The following CEP83 variants were observed in gnomAD, a reference collection of about 807,000 sequenced individuals.
CEP83 encodes centrosomal protein 83, also known as centrosomal protein of 83 kDa.
A neutral mutation model predicts 101.9 loss-of-function variants in CEP83; 70 were observed. That is an observed-to-expected ratio of 0.69 (90% CI 0.57 to 0.84). The LOEUF is 0.84. Ranked by LOEUF, CEP83 falls within the 40% of genes least tolerant of loss-of-function variation. The probability of loss-of-function intolerance (pLI) is 0.00; values close to 1 mark genes in which losing one functional copy is unlikely to be tolerated. For synonymous variants in CEP83, 264 were observed against 267.9 expected (o/e 0.99, Z 0.14); for missense variants, 715 against 787.2 (o/e 0.91, Z 1.10).
At chr12:94,339,640 T>C (rs565077745) in intron 11 of CEP83, among the ~76,000 whole-genome samples, 60 of 152,312 alleles carry the variant, frequency 3.9e-4, no homozygotes, top group African/African-American at 1.3e-3. Context: ...GGGCAAACAA[T>C]AGAAGTTGTA....
At chr12:94,326,366 G>A (rs1313830824) in intron 14 of CEP83, among the ~76,000 whole-genome samples, 2 of 152,118 alleles carry the variant, frequency 1.3e-5, no homozygotes, top group Non-Finnish European at 2.9e-5. Flanking sequence ...TGGAGGAGGG[G>A]GTCATGGGAA....
intron 11 of CEP83, among the ~76,000 whole-genome samples, chr12:94,357,837 A>C (rs2060554671): frequency 6.6e-6 from 1 of 152,254 alleles, no homozygotes; most frequent in Non-Finnish European, 1.5e-5. Context: ...TTCCCTGGAA[A>C]GCAGAGCCAG....
chr12:94,421,565 G>A (rs1459992584), intron 2 of CEP83, among the ~76,000 whole-genome samples: 1 of 151,942 alleles, frequency 6.6e-6, no homozygotes, highest in Non-Finnish European at 1.5e-5. Flanking sequence ...CTTTATTCAT[G>A]TGCTTGTTTA....
intron 9 of CEP83, chr12:94,368,504 A>C (rs2061133459): frequency 4.5e-6 from 1 of 222,456 alleles, no homozygotes; most frequent in Non-Finnish European, 8.7e-6. Context: ...CTGGATGATA[A>C]CCAGAGGTTT....
chr12:94,270,901 G>A, the CEP83 span, among the ~76,000 whole-genome samples: 1 of 152,116 alleles, frequency 6.6e-6, no homozygotes, highest in East Asian at 1.9e-4. Flanking sequence ...GGGGAGCAGA[G>A]TGAAGAGGGG....
At chr12:94,410,968 T>C (rs575858601) in intron 4 of CEP83, among the ~76,000 whole-genome samples, 34 of 152,192 alleles carry the variant, frequency 2.2e-4, no homozygotes, top group Non-Finnish European at 4.4e-4. Context: ...CTTCTTACTC[T>C]ATGAACTTCT....
chr12:94,382,388 TATTTTGATACTCTTTTTCTAGG>T (rs2061899372), intron 6 of CEP83, among the ~76,000 whole-genome samples: 1 of 151,538 alleles, frequency 6.6e-6, no homozygotes. Flanking sequence ...GCTTTACTTT[TATTTTGATACTCTTTTTCTAGG>T]TTCTTGAGGT....
At chr12:94,345,461 G>C (rs546884229) in intron 11 of CEP83, among the ~76,000 whole-genome samples, 1 of 152,230 alleles carries the variant, frequency 6.6e-6, no homozygotes, top group East Asian at 1.9e-4. Flanking sequence ...GAGTGATAAA[G>C]GCGAAAGACA....
intron 1 of CEP83, among the ~76,000 whole-genome samples, chr12:94,436,169 G>A (rs541318670): frequency 3.9e-5 from 6 of 151,984 alleles, no homozygotes; most frequent in Admixed American, 1.3e-4. Context: ...ATGGCAAAAC[G>A]AAGTTTGATA....
At chr12:94,270,037 T>C in the CEP83 span, among the ~76,000 whole-genome samples, 1 of 152,256 alleles carries the variant, frequency 6.6e-6, no homozygotes, top group Non-Finnish European at 1.5e-5. Flanking sequence ...ATTTACTTTT[T>C]TTCTTTATAG....
intron 2 of CEP83, among the ~76,000 whole-genome samples, chr12:94,430,683 T>C (rs1313269166): frequency 2.0e-5 from 3 of 152,100 alleles, no homozygotes; most frequent in South Asian, 2.1e-4. Context: ...GAAAATAAAA[T>C]GCATAGAAAA....
At chr12:94,330,371 TAA>T (rs2059150692) in intron 14 of CEP83, among the ~76,000 whole-genome samples, 1 of 152,160 alleles carries the variant, frequency 6.6e-6, no homozygotes, top group Admixed American at 6.5e-5. Context: ...ATCACCACCA[TAA>T]GTCATGGTTA....
At chr12:94,280,983 G>A in the CEP83 span, among the ~76,000 whole-genome samples, 1 of 152,176 alleles carries the variant, frequency 6.6e-6, no homozygotes, top group Non-Finnish European at 1.5e-5. Flanking sequence ...CAACTGTACT[G>A]AAATCCAACA....
At chr12:94,336,925 AG>A (rs1457440396) in intron 11 of CEP83, among the ~76,000 whole-genome samples, 2 of 151,938 alleles carry the variant, frequency 1.3e-5, no homozygotes, top group South Asian at 4.1e-4. Context: ...TCAGCCTCTC[AG>A]GTAGCAGGGT....
At chr12:94,448,080 T>C (rs1310925339) in intron 1 of CEP83, among the ~76,000 whole-genome samples, 1 of 151,730 alleles carries the variant, frequency 6.6e-6, no homozygotes, top group Non-Finnish European at 1.5e-5. Flanking sequence ...AATCTTCAAT[T>C]CAAAGACATA....
intron 11 of CEP83, among the ~76,000 whole-genome samples, chr12:94,356,421 C>A (rs1349315174): frequency 6.6e-6 from 1 of 152,110 alleles, no homozygotes; most frequent in African/African-American, 2.4e-5. Context: ...GGAAAATGAC[C>A]CCCCAGATCT....
chr12:94,450,887 A>G (rs925463891), intron 1 of CEP83, among the ~76,000 whole-genome samples: 15 of 152,236 alleles, frequency 9.9e-5, no homozygotes, highest in African/African-American at 3.6e-4. Flanking sequence ...TGGAAAGAGC[A>G]TAGAACCAAT....
chr12:94,273,131 G>A, the CEP83 span, among the ~76,000 whole-genome samples: 1 of 152,240 alleles, frequency 6.6e-6, no homozygotes. Flanking sequence ...GAGCAGTTGT[G>A]AGGATTGAAT....
intron 13 of CEP83, among the ~76,000 whole-genome samples, chr12:94,333,045 C>CAA (rs34900007): frequency 0.047 from 3,436 of 73,000 alleles, 106 homozygotes; most frequent in Middle Eastern, 0.085. Context: ...ATTTTAAGAC[C>CAA]AAAAAAAAAA....
Sources: allele counts gnomAD v4.1 joint callset (sites outside exome capture counted in the v4.1 genomes callset), GRCh38; gene constraint gnomAD v4.1.1; transcripts MANE v1.5; gene names NCBI Gene and HGNC (gene_info 2026-07-23, HGNC 2026-07-21).